RFX4: variants seen among roughly 807,000 people sequenced by gnomAD.
The protein encoded by RFX4 is regulatory factor X4, also known as transcription factor RFX4.
RFX4 carries 10 observed loss-of-function variants against 95.0 expected under a neutral mutation model. The observed-to-expected ratio is 0.11, with a 90% CI of 0.06 to 0.18. RFX4 has a LOEUF of 0.18. Ranked by LOEUF, RFX4 falls within the 10% of genes least tolerant of loss-of-function variation. The pLI is 1.00. For synonymous variants in RFX4, 321 were observed against 340.7 expected (o/e 0.94, Z 0.64); for missense variants, 640 against 922.0 (o/e 0.69, Z 3.96).
chr12:106,706,809 C>A (rs1426907564), intron 8 of RFX4, among the ~76,000 whole-genome samples: 1 of 152,168 alleles, frequency 6.6e-6, no homozygotes, highest in African/African-American at 2.4e-5. Context: ...GATCCTGATT[C>A]AAACAAACTA....
Position 106,720,103 on chromosome 12 carries a change from A to G in RFX4, c.1233+49A>G. ...GCAGCCTTGGGCCCTGCAGCCCACC[A>G]CTGCCCTCTGTGAACTTGGCCAAGA... On this transcript the variant is annotated intron_variant, in intron 12 of 17. Transcript: ENST00000392842. The surrounding 1 kb of genome is among the most constrained non-coding windows in gnomAD (Gnocchi z 4.2). 6.8e-7 allele frequency: 1 copy of G among 1,478,500 alleles called. No homozygotes were observed. The highest frequency in any genetic ancestry group is 2.3e-5 in the East Asian group (1 of 44,228). The allele number at this position is 1,478,500 out of a possible 1,614,324, so 91.6% of individuals were successfully genotyped here.
intron 2 of RFX4, among the ~76,000 whole-genome samples, chr12:106,637,118 T>G (rs1286372149): frequency 1.3e-5 from 2 of 152,182 alleles, no homozygotes; most frequent in Non-Finnish European, 2.9e-5. Flanking sequence ...CTAGATGACA[T>G]AAAATTAATT....
intron 17 of RFX4, among the ~76,000 whole-genome samples, chr12:106,753,798 G>A (rs1299349288): frequency 2.6e-5 from 4 of 152,186 alleles, no homozygotes; most frequent in Non-Finnish European, 4.4e-5. Flanking sequence ...GGGAGGTGGC[G>A]TCAGCATGAA....
At chr12:106,715,951 T>G (rs987438823) in intron 11 of RFX4, among the ~76,000 whole-genome samples, 4 of 152,164 alleles carry the variant, frequency 2.6e-5, no homozygotes, top group African/African-American at 9.7e-5. Flanking sequence ...GCCCACCTAT[T>G]GGTAGGTGAA....
intron 8 of RFX4, among the ~76,000 whole-genome samples, chr12:106,698,060 C>T (rs2041914793): frequency 6.6e-6 from 1 of 151,672 alleles, no homozygotes; most frequent in East Asian, 1.9e-4. Flanking sequence ...ACAACCTCTG[C>T]CTCCCGGGTT....
chr12:106,608,853 A>G lies in RFX4; in HGVS notation c.100A>G (p.Thr34Ala). 6.2e-7 allele frequency: 1 copy of G among 1,611,718 alleles called. No individual in the cohort carries two copies. Among genetic ancestry groups the G allele is most frequent in the South Asian group, 1.1e-5 (1 of 90,656 alleles). ...TGAAAACAAACGTTATTCCAGCCAC[A>G]CATCTCTGGGGAATGTTTCTAATGA... ...ESENKRYSSH[T>A]SLGNVSNDEN... The change falls in exon 2 of 18, where the codon ACA becomes GCA. Residue 34 changes from threonine to alanine, a missense_variant. Physicochemically the swap from Thr to Ala is moderately conservative, Grantham distance 58 (BLOSUM62 0). This residue lies in a region of RFX4 where 63 missense variants were observed against 68.8 expected (regional missense o/e 0.92). Transcript: ENST00000392842.
chr12:106,597,414 A>G (rs1332200707), intron 1 of RFX4, among the ~76,000 whole-genome samples: 1 of 152,184 alleles, frequency 6.6e-6, no homozygotes, highest in African/African-American at 2.4e-5. Context: ...TCAAACAGGA[A>G]AGGTGATTTC....
chr12:106,644,260 G>A (rs12308639), intron 3 of RFX4, among the ~76,000 whole-genome samples: 2,786 of 137,502 alleles, frequency 0.02, 92 homozygotes, highest in African/African-American at 0.072. Flanking sequence ...TTGAGACAGA[G>A]CCTTGCTCTG....
chr12:106,713,591 G>T (rs1309198173), intron 10 of RFX4, among the ~76,000 whole-genome samples: 1 of 152,168 alleles, frequency 6.6e-6, no homozygotes, highest in Non-Finnish European at 1.5e-5. Context: ...ATGTGCAAAG[G>T]CCTTGAGGTA....
intron 1 of RFX4, among the ~76,000 whole-genome samples, chr12:106,589,150 AT>A (rs1448919879): frequency 6.6e-6 from 1 of 152,126 alleles, no homozygotes; most frequent in Admixed American, 6.5e-5. Flanking sequence ...GATATTTGCA[AT>A]TTTATTAAGG....
chr12:106,725,848 A>C (rs763421688), intron 13 of RFX4, among the ~76,000 whole-genome samples: 5 of 152,222 alleles, frequency 3.3e-5, no homozygotes, highest in Non-Finnish European at 5.9e-5. Context: ...CTCCAAAAAA[A>C]ATTAGGCATA....
rs377247462 is a variant in RFX4 at position 106,592,316 on chromosome 12, C to T, written c.43+8953C>T. On this transcript the variant is annotated intron_variant, in intron 1 of 17. Coordinates refer to ENST00000392842, the MANE Select transcript of RFX4 (RefSeq NM_213594.3). Reference sequence around the variant, plus strand: ...CATTTTTTTTCTGAAGGGTTTAGACCAAAAGACTAATTTTATTTTTATTTC... The same window carrying T: ...CATTTTTTTTCTGAAGGGTTTAGACTAAAAGACTAATTTTATTTTTATTTC... 2.0e-5 allele frequency among the ~76,000 whole-genome samples: 3 copies of T among 152,112 alleles called. No homozygotes were observed. In the East Asian group the frequency reaches 5.8e-4, roughly 29 times the overall value.
intron 8 of RFX4, among the ~76,000 whole-genome samples, chr12:106,700,334 G>A (rs2041960684): frequency 6.6e-6 from 1 of 150,954 alleles, no homozygotes; most frequent in African/African-American, 2.4e-5. Flanking sequence ...GCCTGGCCAT[G>A]ATTGTCTTTT....
chr12:106,701,430 T>C (rs1228353221), intron 8 of RFX4, among the ~76,000 whole-genome samples: 1 of 150,792 alleles, frequency 6.6e-6, no homozygotes, highest in African/African-American at 2.5e-5. Flanking sequence ...TCATTATTTT[T>C]GGAAAATACC....
chr12:106,613,843 G>A (rs1191274265), intron 2 of RFX4, among the ~76,000 whole-genome samples: 1 of 152,032 alleles, frequency 6.6e-6, no homozygotes, highest in Non-Finnish European at 1.5e-5. Flanking sequence ...ATATCTTTTG[G>A]TGAACATGAG....
intron 2 of RFX4, among the ~76,000 whole-genome samples, chr12:106,638,433 C>G (rs2040556706): frequency 6.6e-6 from 1 of 152,166 alleles, no homozygotes; most frequent in African/African-American, 2.4e-5. Context: ...CTATCATGTC[C>G]TTTACAGAAA....
intron 4 of RFX4, among the ~76,000 whole-genome samples, chr12:106,665,801 C>T (rs1017575853): frequency 2.8e-5 from 4 of 144,378 alleles, no homozygotes; most frequent in African/African-American, 9.8e-5. Context: ...ACTTTTGTGC[C>T]CTCTGTAAAA....
At chr12:106,715,997 G>A (rs2042281788) in intron 11 of RFX4, among the ~76,000 whole-genome samples, 1 of 152,170 alleles carries the variant, frequency 6.6e-6, no homozygotes. Context: ...GAAGCAGGTG[G>A]ATGGTATTTT....
At chr12:106,649,178 C>A (rs924000389) in intron 3 of RFX4, among the ~76,000 whole-genome samples, 1 of 151,676 alleles carries the variant, frequency 6.6e-6, no homozygotes, top group Admixed American at 6.6e-5. Context: ...GAGGAGGAAA[C>A]GAGAAAATTT....
Sources: allele counts gnomAD v4.1 joint callset (sites outside exome capture counted in the v4.1 genomes callset), GRCh38; gene constraint gnomAD v4.1.1; regional missense constraint gnomAD v4.1.1; non-coding constraint Gnocchi (gnomAD v3.1); transcripts MANE v1.5; gene names NCBI Gene and HGNC (gene_info 2026-07-23, HGNC 2026-07-21).